LIG4: variants seen among roughly 807,000 people sequenced by gnomAD.
The protein encoded by LIG4 is DNA ligase 4, also known as DNA joinase.
LIG4 carries 13 observed loss-of-function variants against 19.0 expected under a neutral mutation model. The ratio of observed to expected loss-of-function variants is 0.68; its 90% confidence interval spans 0.44 to 1.09. The LOEUF (loss-of-function observed/expected upper bound fraction) is 1.09, where lower values mean the gene tolerates loss of function less well. Among genes scored for constraint, LIG4 ranks in the 50% least tolerant of loss-of-function variants. LIG4 has a pLI of 0.00. For synonymous variants in LIG4, 361 were observed against 358.2 expected (o/e 1.01, Z -0.09); for missense variants, 1,026 against 1,089.7 (o/e 0.94, Z 0.82).
In LIG4 at chr13:108,208,990, C is replaced by G; in HGVS notation, c.2279G>C (p.Cys760Ser). 6.2e-7 allele frequency: 1 copy of G among 1,614,116 alleles called. No individual in the cohort carries two copies. Among genetic ancestry groups the G allele is most frequent in the Non-Finnish European group, 8.5e-7 (1 of 1,180,006 alleles). Residue 760 changes from cysteine to serine, a missense_variant, in exon 3 of 3, where the codon TGC becomes TCC. Cys to Ser is a moderately radical substitution (Grantham distance 112). Around this residue, in one of 3 missense-constraint regions of LIG4, gnomAD observed 521 missense variants for 515.5 expected, o/e 1.01. Transcript: ENST00000442234. ...ATCAATGAAATAACTATCACCATAG[C>G]AATCATATTCACGGGCAAAATGTTC... ...TKEHFAREYD[C>S]YGDSYFIDTD...
chr13:108,212,934 C>T (rs1051304774), intron 2 of LIG4, among the ~76,000 whole-genome samples: 2 of 151,972 alleles, frequency 1.3e-5, no homozygotes, highest in Admixed American at 1.3e-4. Flanking sequence ...CACACACGCA[C>T]GCAGACACAC....
intron 2 of LIG4, among the ~76,000 whole-genome samples, chr13:108,212,414 A>C (rs962491842): frequency 6.6e-6 from 1 of 152,176 alleles, no homozygotes; most frequent in Non-Finnish European, 1.5e-5. Context: ...AGTTTTAAAT[A>C]TTCATACAAG....
rs3093768 is a variant in LIG4 at position 108,208,402 on chromosome 13, T to A, written c.*131A>T. ...TTAAAAGTTAAAATTATTGTTTTCCTATATGTAATGATACTTTTTAGGCAT... is the reference window on the plus strand; with the variant it reads ...TTAAAAGTTAAAATTATTGTTTTCCAATATGTAATGATACTTTTTAGGCAT... On this transcript the variant is annotated 3_prime_UTR_variant, in exon 3 of 3. Coordinates refer to ENST00000442234, the MANE Select transcript of LIG4 (RefSeq NM_206937.2). 6,384 of 659,868 alleles carry A rather than the reference T, an allele frequency of 9.7e-3. 318 individuals are homozygous for A. The African/African-American group carries it at 0.1, about 11-fold the overall frequency. 40.9% of individuals were successfully genotyped at this position (659,868 alleles called of 1,614,324 possible).
At chr13:108,217,672 G>A (rs530143436), upstream of LIG4, among the ~76,000 whole-genome samples, 1 of 152,126 alleles carries the variant, frequency 6.6e-6, no homozygotes, top group Admixed American at 6.5e-5. Context: ...ACTCCAGCCT[G>A]GGCGACAAGA....
rs944449381 is a variant in LIG4 at position 108,208,041 on chromosome 13, G to A, written c.*492C>T. The A allele has an allele frequency of 1.3e-5, 2 of 152,238 alleles. No individual in the cohort carries two copies. Among genetic ancestry groups the A allele is most frequent in the African/African-American group, 2.4e-5 (1 of 41,336 alleles). 9.4% of individuals were successfully genotyped at this position (152,238 alleles called of 1,614,324 possible). A position where few individuals can be genotyped will look rare whatever the true frequency, so the allele number is the denominator to read the frequency against. On this transcript the variant is annotated 3_prime_UTR_variant, in exon 3 of 3. Coordinates refer to ENST00000442234, the MANE Select transcript of LIG4 (RefSeq NM_206937.2). ...TTTGTTTACATTTCATATTTAAATGGGACATTTTAAACCCTGAGTAAAAAG... is the reference window on the plus strand; with the variant it reads ...TTTGTTTACATTTCATATTTAAATGAGACATTTTAAACCCTGAGTAAAAAG...
chr13:108,214,981 T>C (rs1405062761), intron 1 of LIG4, among the ~76,000 whole-genome samples: 1 of 23,168 alleles, frequency 4.3e-5, no homozygotes, highest in Non-Finnish European at 7.8e-5. Context: ...TCCCCACACA[T>C]CCCCCGCCTG....
In LIG4 at chr13:108,211,176, T is replaced by C. The variant is rs774034734; in HGVS notation, c.93A>G (p.Gly31=). ...STLERIQKSK[G]RAEKIRHFRE... ...TGAAGTGTCTGATTTTTTCTGCACG[T>C]CCTTTACTTTTCTGTATTCGTTCTA... Residue 31 remains glycine, a synonymous_variant, in exon 3 of 3, where the codon GGA becomes GGG. Coordinates refer to ENST00000442234, the MANE Select transcript of LIG4 (RefSeq NM_206937.2). 6.2e-7 allele frequency: 1 copy of C among 1,613,554 alleles called. No homozygotes were observed. The highest frequency in any genetic ancestry group is 8.5e-7 in the Non-Finnish European group (1 of 1,179,912).
chr13:108,217,787 G>A (rs1191614472), upstream of LIG4, among the ~76,000 whole-genome samples: 1 of 152,014 alleles, frequency 6.6e-6, no homozygotes, highest in Non-Finnish European at 1.5e-5. Context: ...CCCAAGGGAG[G>A]GGAGGCACAC....
intron 2 of LIG4, 91 bp from the exon 3 acceptor site, chr13:108,211,387 T>C (rs1878654453): frequency 5.1e-6 from 4 of 780,872 alleles, no homozygotes; most frequent in Non-Finnish European, 8.6e-6. Flanking sequence ...ACTGAGATCA[T>C]AATAAATGTT....
chr13:108,211,245 T>C lies in LIG4; in HGVS notation c.24A>G (p.Gln8=), dbSNP rs771786220. The change falls in exon 3 of 3, where the codon CAA becomes CAG. Residue 8 remains glutamine (Q), a synonymous_variant. Coordinates refer to ENST00000442234, the MANE Select transcript of LIG4 (RefSeq NM_206937.2). ...CAAAAGGAACGTGAGATGCAACAGT[T>C]TGTGAAGTTTGTGAGGCAGCCATCA... The part of the protein sequence containing the change: MAASQTS[Q]TVASHVPFAD... 1.9e-6 allele frequency: 3 copies of C among 1,612,534 alleles called. No homozygotes were observed. The South Asian group carries it at 3.3e-5, about 18-fold the overall frequency.
chr13:108,210,370 T>C lies in LIG4; in HGVS notation c.899A>G (p.Asp300Gly). Residue 300 changes from aspartate to glycine, a missense_variant, in exon 3 of 3, where the codon GAT becomes GGT. Transcript: ENST00000442234. ...TTCAGTAGGAGAAGCACCAAACTGATCAGTGTAGTTATATCCATTTCGAGA... is the reference window on the plus strand; with the variant it reads ...TTCAGTAGGAGAAGCACCAAACTGACCAGTGTAGTTATATCCATTTCGAGA... ...YFSRNGYNYT[D>G]QFGASPTEGS... 6.2e-7 allele frequency: 1 copy of C among 1,613,918 alleles called. No individual in the cohort carries two copies. The highest frequency in any genetic ancestry group is 8.5e-7 in the Non-Finnish European group (1 of 1,179,960).
chr13:108,208,557 T>C lies in LIG4; in HGVS notation c.2712A>G (p.Gln904=). Residue 904 remains glutamine (Q), a synonymous_variant, in exon 3 of 3, where the codon CAA becomes CAG. Transcript: ENST00000442234. ...TTTAAATCAAATACTGGTTTTCTTCTTGTAATTCACACTTGTCTATTGAAT... is the reference window on the plus strand; with the variant it reads ...TTTAAATCAAATACTGGTTTTCTTCCTGTAATTCACACTTGTCTATTGAAT... ...VTDSIDKCEL[Q]EENQYLI The C allele has an allele frequency of 1.9e-6, 3 of 1,611,740 alleles. No homozygotes were observed. The highest frequency in any genetic ancestry group is 2.5e-6 in the Non-Finnish European group (3 of 1,178,020).
In LIG4 at chr13:108,208,362, A is replaced by G. The variant is rs1469378734; in HGVS notation, c.*171T>C. The G allele has an allele frequency of 3.5e-6, 2 of 569,716 alleles. No homozygotes were observed. The highest frequency in any genetic ancestry group is 3.8e-5 in the African/African-American group (2 of 53,206). 35.3% of individuals were successfully genotyped at this position (569,716 alleles called of 1,614,324 possible). ...AATTTTTCTTTCTTGGCTTTGGGCT[A>G]TTGTCTTTTCAACCTTAAAAGTTAA... On this transcript the variant is annotated 3_prime_UTR_variant, in exon 3 of 3. Coordinates refer to ENST00000442234, the MANE Select transcript of LIG4 (RefSeq NM_206937.2).
intron 2 of LIG4, among the ~76,000 whole-genome samples, chr13:108,212,938 G>A (rs891193807): frequency 6.6e-6 from 1 of 152,010 alleles, no homozygotes. Context: ...CACGCACGCA[G>A]ACACACAGTG....
chr13:108,211,411 TA>T (rs3093761), intron 2 of LIG4, 115 bp from the exon 3 acceptor site: 151 of 707,212 alleles, frequency 2.1e-4, no homozygotes, highest in Admixed American at 3.3e-4. Context: ...TAATGTTTAC[TA>T]AAAAAAAGAT....
upstream of LIG4, among the ~76,000 whole-genome samples, chr13:108,217,518 C>T (rs1198607884): frequency 6.6e-6 from 1 of 151,592 alleles, no homozygotes; most frequent in African/African-American, 2.4e-5. Context: ...GAAACTCCGT[C>T]TCAAAACAGC....
Position 108,210,175 on chromosome 13 carries a change from C to CGT in LIG4, c.1093_1094insAC (p.Cys365TyrfsTer7). On this transcript the variant is annotated frameshift_variant, in exon 3 of 3. Transcript: ENST00000442234. LOFTEE classifies it low-confidence loss of function (END_TRUNC). Reference sequence around the variant, plus strand: ...ATTAACCATCAATACATCAAAAACACAATAACAAGTTTGCAGATCAGAATC... The same window carrying CGT: ...ATTAACCATCAATACATCAAAAACACGTAATAACAAGTTTGCAGATCAGAATC... 6.2e-7 allele frequency: 1 copy of CGT among 1,613,750 alleles called. No homozygotes were observed. Among genetic ancestry groups the CGT allele is most frequent in the Non-Finnish European group, 8.5e-7 (1 of 1,179,924 alleles).
rs748716395 is a variant in LIG4, at chr13:108,208,834, A to C, written c.2435T>G (p.Met812Arg). Residue 812 changes from methionine to arginine, a missense_variant, in exon 3 of 3, where the codon ATG becomes AGG. By Grantham distance (91) the Met-to-Arg change is moderately conservative (BLOSUM62 -1). This residue lies in a region of LIG4 where 521 missense variants were observed against 515.5 expected (regional missense o/e 1.01). Coordinates refer to ENST00000442234, the MANE Select transcript of LIG4 (RefSeq NM_206937.2). The part of the protein sequence containing the change: ...RYSWDCSPLS[M>R]FRRHTVYLDS... ...CAAATAAACGGTGTGGCGTCGAAAC[A>C]TACTGAGAGGAGAGCAATCCCAGGA... The C allele has an allele frequency of 1.9e-5, 31 of 1,614,074 alleles. No individual in the cohort carries two copies. The highest frequency in any genetic ancestry group is 2.5e-5 in the Non-Finnish European group (30 of 1,180,044).
At chr13:108,213,208 T>A (rs1182870880) in intron 2 of LIG4, among the ~76,000 whole-genome samples, 1 of 152,172 alleles carries the variant, frequency 6.6e-6, no homozygotes, top group East Asian at 1.9e-4. Flanking sequence ...AACACCTGGT[T>A]ATGTATGTTC....
Sources: gnomAD v4.1 joint callset for allele counts (sites outside exome capture counted in the v4.1 genomes callset) on GRCh38, gnomAD v4.1.1 for gene constraint, gnomAD v4.1.1 regional missense constraint, MANE v1.5 for transcripts, NCBI Gene and HGNC (gene_info 2026-07-23, HGNC 2026-07-21) for gene names.